Variants in SLC15A5 observed in about 807,000 individuals in gnomAD.
SLC15A5 encodes Peptide/histidine transporter ENSP00000340402.
In SLC15A5, 58 loss-of-function variants were observed where a neutral mutation model predicts 56.1. The ratio of observed to expected loss-of-function variants is 1.03; its 90% CI spans 0.84 to 1.29. SLC15A5 has a LOEUF of 1.29. Among genes scored for constraint, SLC15A5 ranks in the 50% most tolerant of loss-of-function variants. SLC15A5 has a pLI of 0.00. For synonymous variants in SLC15A5, 264 were observed against 250.5 expected (o/e 1.05, Z -0.51); for missense variants, 681 against 672.1 (o/e 1.01, Z -0.15).
chr12:16,214,682 C>T (rs984004873), intron 7 of SLC15A5, among the ~76,000 whole-genome samples: 3 of 152,156 alleles, frequency 2.0e-5, no homozygotes, highest in Non-Finnish European at 4.4e-5. Context: ...ATGAAGGAAG[C>T]TCCACTTTTG....
intron 2 of SLC15A5, among the ~76,000 whole-genome samples, chr12:16,260,930 T>C (rs552799981): frequency 1.3e-4 from 20 of 152,294 alleles, no homozygotes; most frequent in Non-Finnish European, 2.5e-4. Flanking sequence ...TTTTGACACT[T>C]TTGTTGAAAA....
At position 16,194,584 on chromosome 12, in the gene SLC15A5, CTTGA is replaced by C. The variant is rs567034931; in HGVS notation, c.1484-135_1484-132del. 1,052 of 550,222 alleles carry C rather than the reference CTTGA, an allele frequency of 1.9e-3. 10 individuals carry two copies. The highest frequency in any genetic ancestry group is 2.6e-4 in the Non-Finnish European group (85 of 327,128). The allele number at this position is 550,222 out of a possible 1,614,324, so 34.1% of individuals were successfully genotyped here. A position where few individuals can be genotyped will look rare whatever the true frequency, so the allele number is the denominator to read the frequency against. ...ACAAAGCAAAAAAGCTCATCTGAAA[CTTGA>C]TTGTCAAAATTTATTTAATTCTGTA... On this transcript the variant is annotated intron_variant, in intron 7 of 8. Coordinates refer to ENST00000344941, the MANE Select transcript of SLC15A5 (RefSeq NM_001170798.1).
chr12:16,271,851 C>A lies in SLC15A5; in HGVS notation c.584+710G>T, dbSNP rs1400661922. ...TAAAAAACACAAAAACCGACGAACT[C>A]CATAAGAACTCGTTGGGAGAGACAA... is the stretch of plus-strand genomic sequence containing the variant. On this transcript the variant is annotated intron_variant, in intron 2 of 8. Transcript: ENST00000344941. This position sits in a 1 kb window ranked among gnomAD's most constrained non-coding sequence, Gnocchi z 8.0. Among the ~76,000 whole-genome samples the A allele has an allele frequency of 2.0e-5, 3 of 152,106 alleles. No homozygotes were observed. The highest frequency in any genetic ancestry group is 2.9e-5 in the Non-Finnish European group (2 of 68,020).
rs1294427829 is a variant in SLC15A5, at chr12:16,277,290, G to A, written c.361+35C>T. ...TTCTAACAAAAATCTACTTAATTAA[G>A]TCACAAAACAATCCAGTCAGCAGAG... On this transcript the variant is annotated intron_variant, in intron 1 of 8. Transcript: ENST00000344941. 2.1e-6 allele frequency: 3 copies of A among 1,445,654 alleles called. No homozygotes were observed. In the South Asian group the frequency reaches 4.5e-5, roughly 21 times the overall value. The allele number at this position is 1,445,654 out of a possible 1,614,324, so 89.6% of individuals were successfully genotyped here.
chr12:16,258,669 T>G (rs1864604509), intron 2 of SLC15A5, among the ~76,000 whole-genome samples: 1 of 151,944 alleles, frequency 6.6e-6, no homozygotes, highest in African/African-American at 2.4e-5. Context: ...ACACTTACAC[T>G]ATCATTAAAA....
At chr12:16,199,691 A>C (rs1395682518) in intron 7 of SLC15A5, among the ~76,000 whole-genome samples, 1 of 152,182 alleles carries the variant, frequency 6.6e-6, no homozygotes, top group African/African-American at 2.4e-5. Flanking sequence ...TAAATTTATC[A>C]AATGATCACA....
At chr12:16,233,320 A>T (rs1356193650) in intron 5 of SLC15A5, among the ~76,000 whole-genome samples, 17 of 152,232 alleles carry the variant, frequency 1.1e-4, no homozygotes, top group Non-Finnish European at 2.9e-5. Flanking sequence ...GAGAAAAACA[A>T]CAAAATTGAG....
chr12:16,209,593 ATTC>A (rs1328385950), intron 7 of SLC15A5, among the ~76,000 whole-genome samples: 2 of 152,132 alleles, frequency 1.3e-5, no homozygotes, highest in Non-Finnish European at 2.9e-5. Flanking sequence ...TTTAAAGTCT[ATTC>A]TTCTTCCAGC....
In SLC15A5 at chr12:16,189,823, A is replaced by G. The variant is rs1312199725; in HGVS notation, c.1593-8T>C. 1.4e-6 allele frequency: 2 copies of G among 1,464,772 alleles called. No homozygotes were observed. The highest frequency in any genetic ancestry group is 2.8e-5 in the African/African-American group (2 of 70,228). 90.7% of individuals were successfully genotyped at this position (1,464,772 alleles called of 1,614,324 possible). On this transcript the variant is annotated splice_polypyrimidine_tract_variant and splice_region_variant and intron_variant, in intron 8 of 8. Transcript: ENST00000344941. ...TGATTTAGATTACAATATCTAAAAA[A>G]GAAAGAAAGAAAGCTTTTCTTAGGA...
At chr12:16,232,178 A>T (rs1864305837) in intron 5 of SLC15A5, among the ~76,000 whole-genome samples, 1 of 152,252 alleles carries the variant, frequency 6.6e-6, no homozygotes, top group Non-Finnish European at 1.5e-5. Flanking sequence ...AGTAGCTATG[A>T]AAAAAGAATA....
intron 7 of SLC15A5, among the ~76,000 whole-genome samples, chr12:16,211,191 T>C (rs1424115855): frequency 6.6e-6 from 1 of 152,200 alleles, no homozygotes; most frequent in African/African-American, 2.4e-5. Flanking sequence ...TCTTAGATAA[T>C]AGGTATGAGC....
chr12:16,254,440 T>C (rs1864549209), intron 3 of SLC15A5, among the ~76,000 whole-genome samples: 1 of 152,162 alleles, frequency 6.6e-6, no homozygotes, highest in South Asian at 2.1e-4. Context: ...ACTACTGAAC[T>C]GTACACTTAA....
Position 16,244,772 on chromosome 12 carries a change from C to T in SLC15A5, c.783G>A (p.Val261=). The change falls in exon 4 of 9, where the codon GTG becomes GTA. Residue 261 remains valine (V), a synonymous_variant. Coordinates refer to ENST00000344941, the MANE Select transcript of SLC15A5 (RefSeq NM_001170798.1). ...GGCATGTTTTCAGTGCACTAACCAA[C>T]ACCCCAACGCCTGTCAGGAGAGAAC... ...KRCSLLTGVG[V]LVSALKTCHP... 4 of 1,537,840 alleles carry T rather than the reference C, an allele frequency of 2.6e-6. No homozygotes were observed. The highest frequency in any genetic ancestry group is 3.5e-6 in the Non-Finnish European group (4 of 1,147,038).
At chr12:16,242,786 A>G (rs1864425118) in intron 4 of SLC15A5, among the ~76,000 whole-genome samples, 1 of 152,218 alleles carries the variant, frequency 6.6e-6, no homozygotes, top group African/African-American at 2.4e-5. Flanking sequence ...AAGGTAAGGA[A>G]CTGGTATTCT....
At chr12:16,212,747 C>G (rs1196537830) in intron 7 of SLC15A5, among the ~76,000 whole-genome samples, 8 of 152,076 alleles carry the variant, frequency 5.3e-5, no homozygotes, top group Non-Finnish European at 1.2e-4. Flanking sequence ...TAGGAACTTG[C>G]TTACCAAATT....
At chr12:16,238,764 T>A (rs1345194979) in intron 5 of SLC15A5, among the ~76,000 whole-genome samples, 2 of 152,160 alleles carry the variant, frequency 1.3e-5, no homozygotes, top group Non-Finnish European at 2.9e-5. Context: ...TGATATTACT[T>A]AAGAATTTCA....
rs1864723916 is a variant in SLC15A5, at chr12:16,269,140, T to C, written c.584+3421A>G. ...GTGAAAAATAAATTTCTACTATTTA[T>C]AAGCCAGCCAATCTCTGCTGATTTG... On this transcript the variant is annotated intron_variant, in intron 2 of 8. Transcript: ENST00000344941. The surrounding 1 kb of genome is among the most constrained non-coding windows in gnomAD (Gnocchi z 4.7). 6.6e-6 allele frequency among the ~76,000 whole-genome samples: 1 copy of C among 152,224 alleles called. No homozygotes were observed. The highest frequency in any genetic ancestry group is 6.5e-5 in the Admixed American group (1 of 15,278).
At position 16,243,975 on chromosome 12, in the gene SLC15A5, A is replaced by T. The variant is rs1232730701; in HGVS notation, c.975+605T>A. Among the ~76,000 whole-genome samples, 1 of 152,212 alleles carries T rather than the reference A, an allele frequency of 6.6e-6. No individual in the cohort carries two copies. The highest frequency in any genetic ancestry group is 2.4e-5 in the African/African-American group (1 of 41,446). Reference sequence around the variant, plus strand: ...AATCATTTATTTTTCTCAGTAAATAAGTTAGTCTTTAACTCTAACCACATT... The same window carrying T: ...AATCATTTATTTTTCTCAGTAAATATGTTAGTCTTTAACTCTAACCACATT... On this transcript the variant is annotated intron_variant, in intron 4 of 8. Coordinates refer to ENST00000344941, the MANE Select transcript of SLC15A5 (RefSeq NM_001170798.1). This position sits in a 1 kb window ranked among gnomAD's most constrained non-coding sequence, Gnocchi z 4.4.
chr12:16,201,065 C>T (rs150594636), intron 7 of SLC15A5, among the ~76,000 whole-genome samples: 6 of 152,102 alleles, frequency 3.9e-5, no homozygotes, highest in East Asian at 3.9e-4. Context: ...AAAACTCTTA[C>T]GGAAATGAGA....
Sources: gnomAD v4.1 joint callset for allele counts (sites outside exome capture counted in the v4.1 genomes callset) on GRCh38, gnomAD v4.1.1 for gene constraint, Gnocchi (gnomAD v3.1) non-coding constraint, MANE v1.5 for transcripts, NCBI Gene and HGNC (gene_info 2026-07-23, HGNC 2026-07-21) for gene names.